NRG1: variants seen among roughly 807,000 people sequenced by gnomAD.
The protein encoded by NRG1 is pro-neuregulin-1, membrane-bound isoform.
Under a neutral mutation model 63.8 loss-of-function variants are expected in NRG1, and 18 were observed. The ratio of observed to expected loss-of-function variants is 0.28; its 90% CI spans 0.19 to 0.42. NRG1 has a LOEUF of 0.42. Among genes scored for constraint, NRG1 ranks in the 10% least tolerant of loss-of-function variants. The probability of loss-of-function intolerance (pLI) is 1.00; values close to 1 mark genes in which losing one functional copy is unlikely to be tolerated. For missense variants in NRG1, 762 were observed against 814.7 expected, an observed-to-expected ratio of 0.94 and a Z score of 0.79; for synonymous variants, 302 against 301.3, an observed-to-expected ratio of 1.00 and a Z score of -0.02.
At chr8:32,378,491 A>G (rs1809911497) in intron 1 of NRG1, among the ~76,000 whole-genome samples, 5 of 152,156 alleles carry the variant, frequency 3.3e-5, no homozygotes, top group Admixed American at 3.3e-4. Flanking sequence ...CATAGCTCCA[A>G]TTTATAGCAC....
chr8:32,251,462 G>A (rs564098284), intron 1 of NRG1, among the ~76,000 whole-genome samples: 42 of 152,250 alleles, frequency 2.8e-4, no homozygotes, highest in Admixed American at 5.9e-4. Context: ...TATCATTGAT[G>A]GGCATTTGGG....
At chr8:31,992,706 A>G (rs1352502092) in intron 1 of NRG1, among the ~76,000 whole-genome samples, 1 of 151,980 alleles carries the variant, frequency 6.6e-6, no homozygotes, top group Non-Finnish European at 1.5e-5. Flanking sequence ...TCTTTTACTG[A>G]TTTTATTAAT....
At chr8:32,489,834 T>C (rs535029627) in intron 1 of NRG1, among the ~76,000 whole-genome samples, 1 of 152,326 alleles carries the variant, frequency 6.6e-6, no homozygotes, top group East Asian at 1.9e-4. Flanking sequence ...GTTTCAAGGC[T>C]CTTCCAGAAC....
At chr8:32,511,721 A>C (rs899123754) in intron 1 of NRG1, among the ~76,000 whole-genome samples, 94 of 152,130 alleles carry the variant, frequency 6.2e-4, no homozygotes, top group Non-Finnish European at 1.3e-3. Flanking sequence ...GTGCTCATGG[A>C]TAAAAACAAT....
At chr8:32,062,210 G>T (rs555078419) in intron 1 of NRG1, among the ~76,000 whole-genome samples, 1 of 152,192 alleles carries the variant, frequency 6.6e-6, no homozygotes, top group Admixed American at 6.6e-5. Flanking sequence ...TGCTTGGAAC[G>T]AAGTGTGCCT....
At chr8:31,767,350 G>A (rs1216285119) in intron 1 of NRG1, among the ~76,000 whole-genome samples, 1 of 152,168 alleles carries the variant, frequency 6.6e-6, no homozygotes, top group Non-Finnish European at 1.5e-5. Flanking sequence ...GTCATTCTGA[G>A]TAAACTAGAG....
At chr8:32,563,547 A>G (rs1187217632) in intron 1 of NRG1, among the ~76,000 whole-genome samples, 1 of 152,208 alleles carries the variant, frequency 6.6e-6, no homozygotes, top group African/African-American at 2.4e-5. Flanking sequence ...GATCTCTCAG[A>G]TACCTTTAAC....
At chr8:32,695,444 T>G (rs1394165025) in intron 5 of NRG1, among the ~76,000 whole-genome samples, 1 of 151,790 alleles carries the variant, frequency 6.6e-6, no homozygotes, top group Admixed American at 6.6e-5. Context: ...TGAACAAAAC[T>G]TGAGAAAAGC....
intron 1 of NRG1, among the ~76,000 whole-genome samples, chr8:31,648,683 C>T (rs1804544463): frequency 6.6e-6 from 1 of 152,186 alleles, no homozygotes; most frequent in African/African-American, 2.4e-5. Flanking sequence ...TGGCTTATTT[C>T]ACTTACCATA....
intron 1 of NRG1, among the ~76,000 whole-genome samples, chr8:31,937,576 G>C (rs142922592): frequency 6.6e-6 from 1 of 152,164 alleles, no homozygotes; most frequent in African/African-American, 2.4e-5. Context: ...AAAACTGTGA[G>C]TCTGCTTGCT....
At chr8:31,999,602 T>G (rs1202262347) in intron 1 of NRG1, among the ~76,000 whole-genome samples, 1 of 152,022 alleles carries the variant, frequency 6.6e-6, no homozygotes, top group African/African-American at 2.4e-5. Flanking sequence ...AAAAACAGGT[T>G]CATTAGTAAT....
chr8:32,395,568 C>T (rs2347512), intron 1 of NRG1, among the ~76,000 whole-genome samples: 74,930 of 151,474 alleles, frequency 0.49, 19,031 homozygotes, highest in African/African-American at 0.54. Flanking sequence ...AATCTTTTGC[C>T]CATTTATTAG....
chr8:32,003,483 AC>A (rs1813270644), intron 1 of NRG1, among the ~76,000 whole-genome samples: 1 of 152,044 alleles, frequency 6.6e-6, no homozygotes, highest in African/African-American at 2.4e-5. Flanking sequence ...ACTTTGAGGA[AC>A]TTGTCCAGAG....
rs117320220 is a variant in NRG1, at chr8:31,712,155, C to A, written c.37+72724C>A. Among the ~76,000 whole-genome samples the A allele has an allele frequency of 4.2e-3, 623 of 148,328 alleles. 3 individuals are homozygous for A. The highest frequency in any genetic ancestry group is 0.027 in the South Asian group (128 of 4,708). ...ATGTTCCTTATTCTATTTTCTGTAGCTTTTTTTTATCATTTCTGTGATTTC... is the reference window on the plus strand; with the variant it reads ...ATGTTCCTTATTCTATTTTCTGTAGATTTTTTTTATCATTTCTGTGATTTC... On this transcript the variant is annotated intron_variant, in intron 1 of 10. Transcript: ENST00000519301.
chr8:32,050,474 T>C (rs1206050359), intron 1 of NRG1, among the ~76,000 whole-genome samples: 2 of 152,174 alleles, frequency 1.3e-5, no homozygotes, highest in Non-Finnish European at 2.9e-5. Flanking sequence ...ATTGTGCTTA[T>C]TGACCAAACA....
intron 1 of NRG1, among the ~76,000 whole-genome samples, chr8:31,699,508 C>A (rs1251822724): frequency 6.6e-6 from 1 of 152,120 alleles, no homozygotes; most frequent in African/African-American, 2.4e-5. Context: ...ATGAAGTACT[C>A]TGATGAAGTA....
chr8:32,279,279 C>A (rs1852441188), intron 1 of NRG1, among the ~76,000 whole-genome samples: 3 of 152,190 alleles, frequency 2.0e-5, no homozygotes, highest in African/African-American at 7.2e-5. Context: ...TTAATTCCTG[C>A]AAGAGTCCTG....
At chr8:31,760,763 C>T (rs1439956636) in intron 1 of NRG1, among the ~76,000 whole-genome samples, 4 of 152,168 alleles carry the variant, frequency 2.6e-5, no homozygotes, top group Non-Finnish European at 5.9e-5. Flanking sequence ...TACCATCTCA[C>T]ACCAGTTAGA....
chr8:32,082,424 A>C (rs1412141126), intron 1 of NRG1, among the ~76,000 whole-genome samples: 1 of 151,890 alleles, frequency 6.6e-6, no homozygotes. Flanking sequence ...TGTGTCCATG[A>C]GTTTTCATCC....
Sources: gnomAD v4.1 joint callset for allele counts (sites outside exome capture counted in the v4.1 genomes callset) on GRCh38, gnomAD v4.1.1 for gene constraint, MANE v1.5 for transcripts, NCBI Gene and HGNC (gene_info 2026-07-23, HGNC 2026-07-21) for gene names.